Variants in ADARB2 observed in about 807,000 individuals in gnomAD.
ADARB2 encodes the protein adenosine deaminase RNA specific B2 (inactive), also known as inactive double-stranded RNA-specific editase B2.
A neutral mutation model predicts 62.2 loss-of-function variants in ADARB2; 25 were observed. The ratio of observed to expected loss-of-function variants is 0.40; its 90% confidence interval spans 0.29 to 0.56. ADARB2 has a LOEUF of 0.56. Among genes scored for constraint, ADARB2 ranks in the 20% least tolerant of loss-of-function variants. The pLI is 0.43. For synonymous variants in ADARB2, 572 were observed against 500.8 expected (o/e 1.14, Z -1.90); for missense variants, 1,071 against 1,077.4 (o/e 0.99, Z 0.08).
chr10:1,507,660 C>T (rs1464195853), intron 1 of ADARB2, among the ~76,000 whole-genome samples: 3 of 152,304 alleles, frequency 2.0e-5, no homozygotes, highest in East Asian at 1.9e-4. Flanking sequence ...AGAGACAGGC[C>T]GAGTTCCAAT....
chr10:1,346,995 A>C (rs1327830249), intron 3 of ADARB2, among the ~76,000 whole-genome samples: 1 of 152,234 alleles, frequency 6.6e-6, no homozygotes, highest in Non-Finnish European at 1.5e-5. Flanking sequence ...CATCATGTTG[A>C]CCTATGGACA....
At chr10:1,670,861 G>T (rs572637044) in intron 1 of ADARB2, among the ~76,000 whole-genome samples, 2 of 152,292 alleles carry the variant, frequency 1.3e-5, no homozygotes, top group South Asian at 2.1e-4. Flanking sequence ...CGCAGGAGCC[G>T]TGGCAAAAAC....
chr10:1,605,475 C>A (rs1833483664), intron 1 of ADARB2, among the ~76,000 whole-genome samples: 1 of 152,214 alleles, frequency 6.6e-6, no homozygotes, highest in South Asian at 2.1e-4. Flanking sequence ...CTCTGAGAAG[C>A]CTGGATTTAG....
At chr10:1,524,289 A>G (rs190122323) in intron 1 of ADARB2, among the ~76,000 whole-genome samples, 5 of 152,368 alleles carry the variant, frequency 3.3e-5, no homozygotes, top group Admixed American at 3.3e-4. Flanking sequence ...TTTGATGCCT[A>G]TGGAATCACC....
intron 3 of ADARB2, among the ~76,000 whole-genome samples, chr10:1,293,278 G>GAGA (rs1831493217): frequency 1.5e-5 from 2 of 130,052 alleles, no homozygotes; most frequent in Non-Finnish European, 1.6e-5. Context: ...GAAGGAGGGA[G>GAGA]GGAAAGAGCA....
At chr10:1,654,350 G>A (rs1834149581) in intron 1 of ADARB2, among the ~76,000 whole-genome samples, 1 of 152,150 alleles carries the variant, frequency 6.6e-6, no homozygotes, top group Non-Finnish European at 1.5e-5. Context: ...CAGTGTGAGG[G>A]CCACATTTCC....
chr10:1,531,315 G>A (rs1832235623), intron 1 of ADARB2, among the ~76,000 whole-genome samples: 1 of 152,238 alleles, frequency 6.6e-6, no homozygotes, highest in Non-Finnish European at 1.5e-5. Context: ...GCTGCTGCAT[G>A]CCAAGGGCTC....
At chr10:1,365,711 C>T (rs78809633) in intron 2 of ADARB2, among the ~76,000 whole-genome samples, 2,789 of 152,244 alleles carry the variant, frequency 0.018, 37 homozygotes, top group Middle Eastern at 0.034. Context: ...TTGGGAGCTT[C>T]GGGCAAGAAT....
At chr10:1,632,217 C>T (rs1833851986) in intron 1 of ADARB2, among the ~76,000 whole-genome samples, 2 of 152,190 alleles carry the variant, frequency 1.3e-5, no homozygotes, top group Non-Finnish European at 2.9e-5. Flanking sequence ...TTCATAAACA[C>T]ACTTGTGCAG....
chr10:1,437,629 T>A (rs532118358), intron 1 of ADARB2, among the ~76,000 whole-genome samples: 1 of 152,028 alleles, frequency 6.6e-6, no homozygotes, highest in African/African-American at 2.4e-5. Flanking sequence ...GCAAGAAATA[T>A]GGGAAGAAGG....
In ADARB2 at chr10:1,180,333, C is replaced by T. The variant is rs545389629; in HGVS notation, c.*2860G>A. The T allele has an allele frequency of 6.8e-6, 1 of 146,308 alleles. No homozygotes were observed. Among genetic ancestry groups the T allele is most frequent in the Non-Finnish European group, 1.5e-5 (1 of 66,388 alleles). 9.1% of individuals were successfully genotyped at this position (146,308 alleles called of 1,614,324 possible). Reference sequence around the variant, plus strand: ...TTGGGGCTGTGGGAATCCTGGGACCCGGGTCTTCCAGGCACACCTGGGGCT... The same window carrying T: ...TTGGGGCTGTGGGAATCCTGGGACCTGGGTCTTCCAGGCACACCTGGGGCT... On this transcript the variant is annotated 3_prime_UTR_variant, in exon 10 of 10. Transcript: ENST00000381312.
At chr10:1,572,960 C>T (rs1832960324) in intron 1 of ADARB2, among the ~76,000 whole-genome samples, 1 of 152,246 alleles carries the variant, frequency 6.6e-6, no homozygotes, top group African/African-American at 2.4e-5. Context: ...TGACCTTTCT[C>T]CACATCCACT....
chr10:1,459,721 A>C (rs1016031491), intron 1 of ADARB2, among the ~76,000 whole-genome samples: 1 of 152,206 alleles, frequency 6.6e-6, no homozygotes, highest in Non-Finnish European at 1.5e-5. Context: ...GGATTGGGCC[A>C]TTACACTCCA....
rs372137762 is a variant in ADARB2 at position 1,437,671 on chromosome 10, G to A, written c.101-58511C>T. Among the ~76,000 whole-genome samples the A allele has an allele frequency of 5.6e-4, 85 of 152,230 alleles. 1 individual carries two copies. The highest frequency in any genetic ancestry group is 1.9e-3 in the African/African-American group (78 of 41,462). ...TCCAAGTGCATCTGAGCCCTGATGA[G>A]GATCCTGGCCTTGGAAGAGCGTCCT... On this transcript the variant is annotated intron_variant, in intron 1 of 9. Transcript: ENST00000381312.
intron 1 of ADARB2, among the ~76,000 whole-genome samples, chr10:1,396,731 G>A (rs1304118934): frequency 4.9e-5 from 5 of 102,782 alleles, no homozygotes; most frequent in South Asian, 3.8e-4. Context: ...CTGGGTCACC[G>A]TCCTCCTCTC....
intron 1 of ADARB2, among the ~76,000 whole-genome samples, chr10:1,658,307 CTCTCTATCTGATTCTGTCTCTCTCTG>C (rs1358085608): frequency 6.6e-6 from 1 of 151,806 alleles, no homozygotes; most frequent in Non-Finnish European, 1.5e-5. Context: ...TCTTCTGTCT[CTCTCTATCTGATTCTGTCTCTCTCTG>C]TCTCTATCTG....
intron 1 of ADARB2, among the ~76,000 whole-genome samples, chr10:1,604,858 G>A (rs1833475263): frequency 6.6e-6 from 1 of 152,170 alleles, no homozygotes; most frequent in Non-Finnish European, 1.5e-5. Context: ...GGACGTCTGT[G>A]TGCATGAAGC....
At chr10:1,557,176 C>A (rs1171988141) in intron 1 of ADARB2, among the ~76,000 whole-genome samples, 1 of 152,088 alleles carries the variant, frequency 6.6e-6, no homozygotes, top group Non-Finnish European at 1.5e-5. Flanking sequence ...GTCGACTGTG[C>A]TCCCATCTTT....
At chr10:1,554,728 G>T (rs1251035610) in intron 1 of ADARB2, among the ~76,000 whole-genome samples, 1 of 152,136 alleles carries the variant, frequency 6.6e-6, no homozygotes, top group African/African-American at 2.4e-5. Flanking sequence ...CTACTAAAAA[G>T]GTATTTTTAA....
Sources: allele counts gnomAD v4.1 joint callset (sites outside exome capture counted in the v4.1 genomes callset), GRCh38; gene constraint gnomAD v4.1.1; transcripts MANE v1.5; gene names NCBI Gene and HGNC (gene_info 2026-07-23, HGNC 2026-07-21).